GABRG2: variants seen among roughly 807,000 people sequenced by gnomAD.
GABRG2 encodes gamma-aminobutyric acid receptor subunit gamma-2.
Under a neutral mutation model 56.4 loss-of-function variants are expected in GABRG2, and 16 were observed. The ratio of observed to expected loss-of-function variants is 0.28; its 90% CI spans 0.19 to 0.43. GABRG2 has a LOEUF of 0.43. GABRG2 is among the 20% of genes least tolerant of loss of function. The pLI, the probability that GABRG2 is intolerant of heterozygous loss-of-function variation, is 1.00. For missense variants in GABRG2, 327 were observed against 582.7 expected, an observed-to-expected ratio of 0.56 and a Z score of 4.52; for synonymous variants, 208 against 205.5, an observed-to-expected ratio of 1.01 and a Z score of -0.10.
chr5:162,138,491 T>C (rs900874029), intron 6 of GABRG2, among the ~76,000 whole-genome samples: 1 of 152,134 alleles, frequency 6.6e-6, no homozygotes, highest in Non-Finnish European at 1.5e-5. Flanking sequence ...CACATTTAAT[T>C]TAGAATCAGT....
intron 1 of GABRG2, among the ~76,000 whole-genome samples, chr5:162,074,695 T>C (rs889900381): frequency 7.9e-5 from 12 of 152,026 alleles, no homozygotes; most frequent in Non-Finnish European, 1.3e-4. Context: ...AGATACATAA[T>C]TGAGGAAAGC....
chr5:162,101,292 C>T lies in GABRG2; in HGVS notation c.606C>T (p.His202=). ...TGCACAACTTTCCAATGGATGAACA[C>T]TCCTGCCCCTTGGAGTTCTCCAGTT... ...LQLHNFPMDE[H]SCPLEFSSYG... is the part of the protein sequence containing the mutation. The change falls in exon 5 of 10, where the codon CAC becomes CAT. Residue 202 remains histidine, a synonymous_variant. Transcript: ENST00000639213. The T allele has an allele frequency of 6.2e-7, 1 of 1,610,722 alleles. No individual in the cohort carries two copies. The highest frequency in any genetic ancestry group is 2.2e-5 in the East Asian group (1 of 44,764).
chr5:162,111,637 T>C (rs1467333892), intron 6 of GABRG2, among the ~76,000 whole-genome samples: 1 of 152,130 alleles, frequency 6.6e-6, no homozygotes, highest in Non-Finnish European at 1.5e-5. Flanking sequence ...TACACAATGG[T>C]ATTTTATTTC....
rs1581342183 is a variant in GABRG2, at chr5:162,093,863, A to G, written c.143A>G (p.Asp48Gly). Residue 48 changes from aspartate (D) to glycine (G), a missense_variant, in exon 2 of 10, where the codon GAT becomes GGT. Physicochemically the swap from Asp to Gly is moderately conservative, Grantham distance 94 (BLOSUM62 -1). Coordinates refer to ENST00000639213, the MANE Select transcript of GABRG2 (RefSeq NM_198904.4). ...TSQKSDDDYE[D>G]YASNKTWVLT... is the part of the protein sequence containing the mutation. ...CAGAAATCTGATGATGACTATGAAG[A>G]TTATGCTTCTAACAAAACATGGGTC... The G allele has an allele frequency of 3.1e-6, 5 of 1,613,256 alleles. No individual in the cohort carries two copies. The highest frequency in any genetic ancestry group is 4.2e-6 in the Non-Finnish European group (5 of 1,179,474).
At chr5:162,119,809 C>A (rs1762865449) in intron 6 of GABRG2, among the ~76,000 whole-genome samples, 1 of 151,964 alleles carries the variant, frequency 6.6e-6, no homozygotes, top group Non-Finnish European at 1.5e-5. Flanking sequence ...CCTAAATATA[C>A]CTTAATTTCT....
At chr5:162,094,033 A>G (rs1437796890) in intron 2 of GABRG2, 54 bp downstream of exon 2, 2 of 1,557,352 alleles carry the variant, frequency 1.3e-6, no homozygotes, top group African/African-American at 1.4e-5. Flanking sequence ...AAACATGTCT[A>G]CTTTAATAGA....
At chr5:162,087,865 A>C (rs1285315294) in intron 1 of GABRG2, among the ~76,000 whole-genome samples, 1 of 152,136 alleles carries the variant, frequency 6.6e-6, no homozygotes, top group Non-Finnish European at 1.5e-5. Context: ...TATATATTGC[A>C]AACTAAGTGT....
chr5:162,149,493 A>C, intron 8 of GABRG2, 180 bp downstream of exon 8: 1 of 733,284 alleles, frequency 1.4e-6, no homozygotes, highest in Non-Finnish European at 2.5e-6. Flanking sequence ...AGAGAGACTC[A>C]AGTCTGTTTC....
chr5:162,072,026 T>A (rs1758714291), intron 1 of GABRG2, among the ~76,000 whole-genome samples: 1 of 151,988 alleles, frequency 6.6e-6, no homozygotes, highest in African/African-American at 2.4e-5. Context: ...AGGCAGAAGT[T>A]GAAAATTGGC....
intron 1 of GABRG2, among the ~76,000 whole-genome samples, chr5:162,076,725 G>T (rs1759144518): frequency 6.6e-6 from 1 of 152,166 alleles, no homozygotes; most frequent in Admixed American, 6.6e-5. Flanking sequence ...ACAGCATGAA[G>T]TGGAAGCAGT....
At chr5:162,130,014 T>C (rs1395485575) in intron 6 of GABRG2, among the ~76,000 whole-genome samples, 1 of 151,926 alleles carries the variant, frequency 6.6e-6, no homozygotes, top group Non-Finnish European at 1.5e-5. Context: ...ACTTTGAATC[T>C]AGTACTTTGC....
At chr5:162,119,810 C>G (rs1762865622) in intron 6 of GABRG2, among the ~76,000 whole-genome samples, 1 of 151,910 alleles carries the variant, frequency 6.6e-6, no homozygotes, top group Non-Finnish European at 1.5e-5. Context: ...CTAAATATAC[C>G]TTAATTTCTC....
At chr5:162,092,976 G>T (rs1432744615) in intron 1 of GABRG2, among the ~76,000 whole-genome samples, 1 of 152,096 alleles carries the variant, frequency 6.6e-6, no homozygotes, top group African/African-American at 2.4e-5. Flanking sequence ...TTGGGTTAGG[G>T]GGAGAGGTAA....
intron 1 of GABRG2, among the ~76,000 whole-genome samples, chr5:162,070,765 A>C (rs187310423): frequency 6.6e-6 from 1 of 152,152 alleles, no homozygotes; most frequent in Non-Finnish European, 1.5e-5. Context: ...CATAAAAAAT[A>C]ACCTGGGGAA....
At chr5:162,150,327 G>A (rs1431859980) in intron 8 of GABRG2, 2 of 152,304 alleles carry the variant, frequency 1.3e-5, no homozygotes, top group East Asian at 3.9e-4. Flanking sequence ...GATGATAGTT[G>A]ATTTTGATGA....
At chr5:162,130,019 C>G (rs1476862471) in intron 6 of GABRG2, among the ~76,000 whole-genome samples, 1 of 151,896 alleles carries the variant, frequency 6.6e-6, no homozygotes, top group East Asian at 1.9e-4. Flanking sequence ...GAATCTAGTA[C>G]TTTGCCCACC....
At chr5:162,086,234 A>G (rs1441762217) in intron 1 of GABRG2, among the ~76,000 whole-genome samples, 1 of 152,032 alleles carries the variant, frequency 6.6e-6, no homozygotes, top group Non-Finnish European at 1.5e-5. Context: ...AGAGTGAGCC[A>G]CTTACTAAGT....
chr5:162,067,659 G>A (rs1334023437), upstream of GABRG2: 2 of 573,318 alleles, frequency 3.5e-6, no homozygotes, highest in East Asian at 2.8e-5. Flanking sequence ...TGAGGGGCAT[G>A]AGTATACACG....
rs572972416 is a variant in GABRG2 at position 162,111,386 on chromosome 5, G to T, written c.769+7360G>T. On this transcript the variant is annotated intron_variant, in intron 6 of 9. Transcript: ENST00000639213. ...TTTGGATTTTAAATTCCAAGGTTGT[G>T]TTCACACTATCTAGCAGGGAGATAG... Among the ~76,000 whole-genome samples, 330 of 152,250 alleles carry T rather than the reference G, an allele frequency of 2.2e-3. 3 individuals are homozygous for T. Among genetic ancestry groups the T allele is most frequent in the Admixed American group, 3.3e-3 (51 of 15,280 alleles).
Sources: gnomAD v4.1 joint callset for allele counts (sites outside exome capture counted in the v4.1 genomes callset) on GRCh38, gnomAD v4.1.1 for gene constraint, MANE v1.5 for transcripts, NCBI Gene and HGNC (gene_info 2026-07-23, HGNC 2026-07-21) for gene names.